The following UPF3B variants were observed in gnomAD, a reference collection of about 807,000 sequenced individuals.
The protein encoded by UPF3B is UPF3B regulator of nonsense mediated mRNA decay, also known as regulator of nonsense transcripts 3B.
A neutral mutation model predicts 40.3 loss-of-function variants in UPF3B; 7 were observed. The ratio of observed to expected loss-of-function variants is 0.17; its 90% CI spans 0.10 to 0.33. UPF3B has a LOEUF of 0.33. Ranked by LOEUF, UPF3B falls within the 10% of genes least tolerant of loss-of-function variation. The probability of loss-of-function intolerance (pLI) is 1.00; values close to 1 mark genes in which losing one functional copy is unlikely to be tolerated. For synonymous variants in UPF3B, 117 were observed against 117.3 expected (o/e 1.00, Z 0.01); for missense variants, 229 against 358.9 (o/e 0.64, Z 2.93).
intron 3 of UPF3B, among the ~76,000 whole-genome samples, chrX:119,847,249 C>T (rs1442647079): frequency 4.5e-5 from 5 of 111,286 alleles, no homozygotes; most frequent in Admixed American, 3.9e-4. Context: ...AATTATTGGG[C>T]CAGCCTGACT....
At chrX:119,838,565 G>A (rs758091562) in intron 8 of UPF3B, 38 bp from the exon 9 acceptor site, 9 of 1,176,580 alleles carry the variant, frequency 7.6e-6, no homozygotes, top group Non-Finnish European at 1.0e-5. Flanking sequence ...TTTGAAGGCT[G>A]GGACACTATC....
At chrX:119,810,178 AAAATC>A (rs2055818179) in intron 5 of UPF3B, among the ~76,000 whole-genome samples, 1 of 112,368 alleles carries the variant, frequency 8.9e-6, no homozygotes, top group South Asian at 3.7e-4. Flanking sequence ...TTCTGACTGA[AAAATC>A]AAAAGTTGAG....
intron 3 of UPF3B, among the ~76,000 whole-genome samples, chrX:119,828,787 C>T (rs750427137): frequency 2.0e-4 from 22 of 110,829 alleles, no homozygotes; most frequent in South Asian, 7.6e-4. Context: ...GTGGTGCCAT[C>T]TCGGCTCACT....
intron 3 of UPF3B, among the ~76,000 whole-genome samples, chrX:119,828,180 T>C (rs1386786307): frequency 1.8e-5 from 2 of 110,853 alleles, no homozygotes; most frequent in East Asian, 2.8e-4. Flanking sequence ...CAGCCTTCCA[T>C]GTAATTGGAG....
At chrX:119,840,807 G>T in intron 7 of UPF3B, 123 bp from the exon 8 acceptor site, 1 of 715,271 alleles carries the variant, frequency 1.4e-6, no homozygotes, top group South Asian at 2.5e-5. Flanking sequence ...GAATTTAGAG[G>T]ACAATAGTCT....
In UPF3B at chrX:119,840,666, G is replaced by A; in HGVS notation, c.826C>T (p.Gln276Ter). 8.3e-7 allele frequency: 1 copy of A among 1,208,913 alleles called. No homozygotes were observed. Among genetic ancestry groups the A allele is most frequent in the Non-Finnish European group, 1.1e-6 (1 of 894,061 alleles). Residue 276 changes from glutamine (Q) to a stop codon, truncating the protein, a stop_gained, in exon 8 of 11, where the codon CAA becomes TAA. Transcript: ENST00000276201. LOFTEE classifies it high-confidence loss of function. ...CTTACATTTTTCTGATTCACAGCTTGTAACAGAAACCTGTGTACCTGAAGA... is the reference window on the plus strand; with the variant it reads ...CTTACATTTTTCTGATTCACAGCTTATAACAGAAACCTGTGTACCTGAAGA... ...PKIKVHRFLL[Q>*]AVNQKNLLKK...
chrX:119,846,532 A>C (rs950883667), intron 3 of UPF3B, among the ~76,000 whole-genome samples: 2 of 106,166 alleles, frequency 1.9e-5, no homozygotes, highest in African/African-American at 6.9e-5. Context: ...AAAGAAAAAG[A>C]AAAAAGAAAA....
intron 3 of UPF3B, among the ~76,000 whole-genome samples, chrX:119,827,825 G>A (rs755936027): frequency 9.1e-6 from 1 of 110,455 alleles, no homozygotes; most frequent in East Asian, 2.8e-4. Context: ...CTTTGCCTCC[G>A]GGTTCAAGCA....
intron 3 of UPF3B, among the ~76,000 whole-genome samples, chrX:119,824,520 A>G (rs1337403818): frequency 9.1e-6 from 1 of 109,520 alleles, no homozygotes; most frequent in African/African-American, 3.3e-5. Flanking sequence ...GGCTAGACAA[A>G]GAGGCAAGGG....
At chrX:119,805,432 A>G (rs1410664963) in exon 7 of UPF3B, 3 of 117,252 alleles carry the variant, frequency 2.6e-5, no homozygotes, top group Non-Finnish European at 5.2e-5. Flanking sequence ...TCAGATCATG[A>G]GACCTAAGAT....
downstream of UPF3B, among the ~76,000 whole-genome samples, chrX:119,832,925 G>T (rs1167705134): frequency 9.0e-6 from 1 of 111,721 alleles, no homozygotes; most frequent in South Asian, 3.7e-4. Flanking sequence ...ACGTATGCAT[G>T]CTGTGGAGGG....
chrX:119,852,751 G>A, intron 1 of UPF3B, 22 bp downstream of exon 1: 1 of 1,212,034 alleles, frequency 8.3e-7, no homozygotes, highest in Non-Finnish European at 1.1e-6. Context: ...GCCCTCTCCC[G>A]GGCCAGCGGC....
intron 5 of UPF3B, among the ~76,000 whole-genome samples, chrX:119,812,994 T>A (rs773934864): frequency 9.0e-6 from 1 of 111,632 alleles, no homozygotes; most frequent in South Asian, 3.8e-4. Context: ...CTTCCTTTAG[T>A]ACTCTTGCCC....
chrX:119,823,058 A>G (rs2055939270), intron 3 of UPF3B: 3 of 767,970 alleles, frequency 3.9e-6, no homozygotes, highest in Non-Finnish European at 4.7e-6. Context: ...AGTACAATGA[A>G]ATATGTTACT....
At chrX:119,816,985 T>C (rs112449669) in intron 4 of UPF3B, among the ~76,000 whole-genome samples, 4,999 of 111,110 alleles carry the variant, frequency 0.045, 108 homozygotes, top group East Asian at 0.15. Flanking sequence ...ATAAATAAAA[T>C]ATGTGACGTA....
intron 4 of UPF3B, 88 bp from the exon 5 acceptor site, chrX:119,843,389 G>T: frequency 1.5e-6 from 1 of 676,059 alleles, no homozygotes; most frequent in Admixed American, 2.8e-5. Context: ...TATCAAAGAA[G>T]ATAATTTTTT....
chrX:119,819,334 G>A (rs1322724383), intron 4 of UPF3B, among the ~76,000 whole-genome samples: 1 of 111,108 alleles, frequency 9.0e-6, no homozygotes, highest in African/African-American at 3.3e-5. Flanking sequence ...TTACAGGCAT[G>A]AGCCACCGTG....
At position 119,843,328 on chromosome X, in the gene UPF3B, A is replaced by C. The variant is rs376802188; in HGVS notation, c.470-27T>G. ...TAAATAATCATTTGAGGAAACAGAA[A>C]ATATAATAGACTTTAAACAAAAAAA... On this transcript the variant is annotated intron_variant, in intron 4 of 10. Transcript: ENST00000276201. 3.6e-4 allele frequency: 344 copies of C among 966,149 alleles called. 3 individuals carry two copies. Among genetic ancestry groups the C allele is most frequent in the Middle Eastern group, 3.2e-4 (1 of 3,165 alleles). 79.6% of individuals were successfully genotyped at this position (966,149 alleles called of 1,213,427 possible).
chrX:119,833,032 C>T (rs1281401275), downstream of UPF3B, among the ~76,000 whole-genome samples: 5 of 111,308 alleles, frequency 4.5e-5, no homozygotes, highest in Non-Finnish European at 9.4e-5. Flanking sequence ...CTACCCCCCA[C>T]TGCCCTCACC....
Sources: allele counts gnomAD v4.1 joint callset (sites outside exome capture counted in the v4.1 genomes callset), GRCh38; gene constraint gnomAD v4.1.1; transcripts MANE v1.5; gene names NCBI Gene and HGNC (gene_info 2026-07-23, HGNC 2026-07-21).